AAK1: variants seen among roughly 807,000 people sequenced by gnomAD.
AAK1 encodes AP2-associated protein kinase 1.
AAK1 carries 37 observed loss-of-function variants against 116.0 expected under a neutral mutation model. The ratio of observed to expected loss-of-function variants is 0.32; its 90% CI spans 0.25 to 0.42. AAK1 has a LOEUF of 0.42. Among genes scored for constraint, AAK1 ranks in the 10% least tolerant of loss-of-function variants. AAK1 has a pLI of 1.00. For missense variants in AAK1, 919 were observed against 1,170.6 expected, an observed-to-expected ratio of 0.79 and a Z score of 3.14; for synonymous variants, 458 against 439.9, an observed-to-expected ratio of 1.04 and a Z score of -0.51.
chr2:69,471,571 G>A lies in AAK1; in HGVS notation c.*4298C>T. 15 of 985,372 alleles carry A rather than the reference G, an allele frequency of 1.5e-5. No individual in the cohort carries two copies. Among genetic ancestry groups the A allele is most frequent in the Non-Finnish European group, 1.8e-5 (15 of 829,922 alleles). The allele number at this position is 985,372 out of a possible 1,614,324, so 61.0% of individuals were successfully genotyped here. Reference sequence around the variant, plus strand: ...TCTAATTTGCTTAACCCGGCACACTGGGCAATCCTGTCATTTTCATCCCAA... The same window carrying A: ...TCTAATTTGCTTAACCCGGCACACTAGGCAATCCTGTCATTTTCATCCCAA... On this transcript the variant is annotated 3_prime_UTR_variant, in exon 22 of 22. Coordinates refer to ENST00000409085, the MANE Select transcript of AAK1 (RefSeq NM_014911.5).
chr2:69,520,046 T>A, intron 11 of AAK1: 1 of 219,524 alleles, frequency 4.6e-6, no homozygotes, highest in East Asian at 1.1e-4. Context: ...CAGGCATTTT[T>A]GTAGGCTGGG....
At chr2:69,607,347 T>A (rs1404439542) in intron 2 of AAK1, among the ~76,000 whole-genome samples, 2 of 151,982 alleles carry the variant, frequency 1.3e-5, no homozygotes, top group Non-Finnish European at 2.9e-5. Context: ...TATCAGAAAA[T>A]GGGCTCAGTA....
At chr2:69,504,108 C>T (rs1316305831) in intron 16 of AAK1, among the ~76,000 whole-genome samples, 2 of 151,782 alleles carry the variant, frequency 1.3e-5, no homozygotes, top group Non-Finnish European at 2.9e-5. Context: ...TATAAAGATG[C>T]ATATCAGGTT....
At chr2:69,622,431 C>T (rs1193292146) in intron 2 of AAK1, among the ~76,000 whole-genome samples, 10 of 152,350 alleles carry the variant, frequency 6.6e-5, no homozygotes, top group East Asian at 1.9e-4. Context: ...TGCAGGTGCA[C>T]GGCACGGGAC....
intron 13 of AAK1, 121 bp downstream of exon 13, chr2:69,514,350 C>T: frequency 1.6e-6 from 2 of 1,277,400 alleles, no homozygotes; most frequent in Non-Finnish European, 2.1e-6. Context: ...ATAATTGAAC[C>T]ACCCAGGTGG....
In AAK1 at chr2:69,458,411, G is replaced by C. The variant is rs1394192276; in HGVS notation, c.*17458C>G. On this transcript the variant is annotated 3_prime_UTR_variant, in exon 22 of 22. Coordinates refer to ENST00000409085, the MANE Select transcript of AAK1 (RefSeq NM_014911.5). ...ATTCAAAACATCTTGTGGGCCTTGT[G>C]GTGTTCTGGTCACTGCTACCCTCTC... The C allele has an allele frequency of 6.6e-6, 1 of 152,614 alleles. No individual in the cohort carries two copies. Among genetic ancestry groups the C allele is most frequent in the Non-Finnish European group, 1.5e-5 (1 of 68,052 alleles). 9.5% of individuals were successfully genotyped at this position (152,614 alleles called of 1,614,324 possible).
At chr2:69,563,640 C>T (rs77467874) in intron 2 of AAK1, among the ~76,000 whole-genome samples, 8,395 of 152,192 alleles carry the variant, frequency 0.055, 318 homozygotes, top group Middle Eastern at 0.078. Context: ...GAAGAAAAAC[C>T]GCATCCAGGC....
At chr2:69,519,463 C>T (rs148381113) in intron 11 of AAK1, among the ~76,000 whole-genome samples, 1 of 152,280 alleles carries the variant, frequency 6.6e-6, no homozygotes, top group African/African-American at 2.4e-5. Context: ...TTCAATATTG[C>T]CTCCTTAAGA....
At chr2:69,604,469 C>T (rs527559183) in intron 2 of AAK1, among the ~76,000 whole-genome samples, 1 of 152,284 alleles carries the variant, frequency 6.6e-6, no homozygotes, top group East Asian at 1.9e-4. Flanking sequence ...TAGGGCACGA[C>T]ACCTCCAAAT....
intron 2 of AAK1, among the ~76,000 whole-genome samples, chr2:69,609,619 G>A (rs750879294): frequency 2.6e-5 from 4 of 151,928 alleles, no homozygotes; most frequent in Non-Finnish European, 5.9e-5. Context: ...AGCCGAGATT[G>A]TGCCATTGCA....
chr2:69,623,251 A>G (rs1674744572), intron 2 of AAK1, among the ~76,000 whole-genome samples: 2 of 152,114 alleles, frequency 1.3e-5, no homozygotes, highest in African/African-American at 4.8e-5. Flanking sequence ...GCCTTTAAGA[A>G]CTGTGACACT....
At chr2:69,562,732 A>T (rs1248067365) in intron 2 of AAK1, among the ~76,000 whole-genome samples, 2 of 152,158 alleles carry the variant, frequency 1.3e-5, no homozygotes. Context: ...TCTACTAAAA[A>T]TACAAAAATT....
chr2:69,546,731 A>G lies in AAK1; in HGVS notation c.283-2187T>C, dbSNP rs1479720269. On this transcript the variant is annotated intron_variant, in intron 3 of 21. Coordinates refer to ENST00000409085, the MANE Select transcript of AAK1 (RefSeq NM_014911.5). ...CTTAAATCCCCAATGCAATCGTATT[A>G]AGAGGTGGGGCCTTTAGGAGGTGAT... is the stretch of plus-strand genomic sequence containing the variant. Among the ~76,000 whole-genome samples the G allele has an allele frequency of 2.0e-5, 3 of 152,230 alleles. No individual in the cohort carries two copies. In the East Asian group the frequency reaches 5.8e-4, roughly 29 times the overall value.
intron 2 of AAK1, among the ~76,000 whole-genome samples, chr2:69,641,211 C>A (rs1411797304): frequency 6.6e-6 from 1 of 152,244 alleles, no homozygotes; most frequent in African/African-American, 2.4e-5. Flanking sequence ...AACATCCTAG[C>A]TGAACAAAAC....
At chr2:69,515,232 T>C (rs934562854) in intron 12 of AAK1, among the ~76,000 whole-genome samples, 4 of 152,264 alleles carry the variant, frequency 2.6e-5, no homozygotes, top group Non-Finnish European at 1.5e-5. Flanking sequence ...AAGACTCATC[T>C]CAAGTCTTAC....
Position 69,625,859 on chromosome 2 carries a change from T to C in AAK1, c.163+17019A>G, listed in dbSNP as rs968117941. On this transcript the variant is annotated intron_variant, in intron 2 of 21. Transcript: ENST00000409085. ...CCAGGCCATTCTTCTACCTATCCTT[T>C]GTCATTTCTTCTCTCCACACATCTA... 2.0e-5 allele frequency among the ~76,000 whole-genome samples: 3 copies of C among 152,200 alleles called. No individual in the cohort carries two copies. In the East Asian group the frequency reaches 5.8e-4, roughly 29 times the overall value.
At chr2:69,573,868 G>A (rs1185794367) in intron 2 of AAK1, among the ~76,000 whole-genome samples, 2 of 151,846 alleles carry the variant, frequency 1.3e-5, no homozygotes, top group Admixed American at 6.6e-5. Context: ...GCGTGGTTGC[G>A]GGTGCTTGTA....
Position 69,471,746 on chromosome 2 carries a change from C to T in AAK1, c.*4123G>A. The T allele has an allele frequency of 1.0e-6, 1 of 985,390 alleles. No homozygotes were observed. The highest frequency in any genetic ancestry group is 4.7e-5 in the South Asian group (1 of 21,294). 61.0% of individuals were successfully genotyped at this position (985,390 alleles called of 1,614,324 possible). A position where few individuals can be genotyped will look rare whatever the true frequency, so the allele number is the denominator to read the frequency against. On this transcript the variant is annotated 3_prime_UTR_variant, in exon 22 of 22. Coordinates refer to ENST00000409085, the MANE Select transcript of AAK1 (RefSeq NM_014911.5). ...GTATTTATTTAGCTGAGTGCAGATC[C>T]CTCCACATCATAGGCTGTCAGCCCC... is the stretch of plus-strand genomic sequence containing the variant.
In AAK1 at chr2:69,469,144, C is replaced by A; in HGVS notation, c.*6725G>T. On this transcript the variant is annotated 3_prime_UTR_variant, in exon 22 of 22. Transcript: ENST00000409085. ...TCCTGAGAAGGCCAAGTCCCTTAAC[C>A]TTTCTATTCTTGTTAGAGGAGGTAC... 1.0e-6 allele frequency: 1 copy of A among 985,356 alleles called. No homozygotes were observed. The highest frequency in any genetic ancestry group is 1.2e-6 in the Non-Finnish European group (1 of 829,916). The allele number at this position is 985,356 out of a possible 1,614,324, so 61.0% of individuals were successfully genotyped here. A position where few individuals can be genotyped will look rare whatever the true frequency, so the allele number is the denominator to read the frequency against.
Sources: allele counts gnomAD v4.1 joint callset (sites outside exome capture counted in the v4.1 genomes callset), GRCh38; gene constraint gnomAD v4.1.1; transcripts MANE v1.5; gene names NCBI Gene and HGNC (gene_info 2026-07-23, HGNC 2026-07-21).